The following FAM131B variants were observed in gnomAD, a reference collection of about 807,000 sequenced individuals.
FAM131B encodes the protein protein FAM131B.
In FAM131B, 19 loss-of-function variants were observed where a neutral mutation model predicts 42.0. The ratio of observed to expected loss-of-function variants is 0.45; its 90% CI spans 0.32 to 0.66. The LOEUF is 0.66. Among genes scored for constraint, FAM131B ranks in the 30% least tolerant of loss-of-function variants. The pLI is 0.05. For missense variants in FAM131B, 370 were observed against 468.4 expected, an observed-to-expected ratio of 0.79 and a Z score of 1.94; for synonymous variants, 183 against 177.6, an observed-to-expected ratio of 1.03 and a Z score of -0.24.
At chr7:143,371,879 T>A in the FAM131B span, among the ~76,000 whole-genome samples, 2 of 152,214 alleles carry the variant, frequency 1.3e-5, no homozygotes, top group Admixed American at 1.3e-4. Flanking sequence ...AAGGCCATTG[T>A]GGCTGAGGCA....
At chr7:143,363,536 G>T (rs1005370140), upstream of FAM131B, among the ~76,000 whole-genome samples, 1 of 152,216 alleles carries the variant, frequency 6.6e-6, no homozygotes, top group Admixed American at 6.5e-5. Flanking sequence ...AGAAAGATTG[G>T]CCTCTGGCTA....
At chr7:143,382,279 G>C in the FAM131B span, 1 of 1,612,812 alleles carries the variant, frequency 6.2e-7, no homozygotes, top group Non-Finnish European at 8.5e-7. Context: ...CCCTTGCTGG[G>C]GATGGCGACG....
At chr7:143,381,365 G>T in the FAM131B span, 1 of 1,158,784 alleles carries the variant, frequency 8.6e-7, no homozygotes, top group Middle Eastern at 2.8e-4. Flanking sequence ...CGGACCCGGC[G>T]CCGAGGCGGC....
chr7:143,362,609 C>T lies in FAM131B; in HGVS notation c.-6G>A. 4.2e-6 allele frequency: 5 copies of T among 1,193,420 alleles called. No homozygotes were observed. The highest frequency in any genetic ancestry group is 5.2e-6 in the Non-Finnish European group (5 of 964,490). The allele number at this position is 1,193,420 out of a possible 1,614,324, so 73.9% of individuals were successfully genotyped here. On this transcript the variant is annotated 5_prime_UTR_variant, in exon 1 of 7. Coordinates refer to ENST00000443739, the MANE Select transcript of FAM131B (RefSeq NM_001031690.3). The surrounding 1 kb of genome is among the most constrained non-coding windows in gnomAD (Gnocchi z 7.7). ...CGGGAGCCGATGCAGCCCATGGCTCCGGGGGCCGCAGAGCCGGGCCCTCAC... is the reference window on the plus strand; with the variant it reads ...CGGGAGCCGATGCAGCCCATGGCTCTGGGGGCCGCAGAGCCGGGCCCTCAC...
chr7:143,362,586 G>T lies in FAM131B; in HGVS notation c.18C>A (p.Ser6=). The T allele has an allele frequency of 8.2e-7, 1 of 1,222,550 alleles. No homozygotes were observed. Among genetic ancestry groups the T allele is most frequent in the Non-Finnish European group, 1.0e-6 (1 of 981,906 alleles). 75.7% of individuals were successfully genotyped at this position (1,222,550 alleles called of 1,614,324 possible). The change falls in exon 1 of 7, where the codon TCC becomes TCA. Residue 6 remains serine (S), a synonymous_variant. Coordinates refer to ENST00000443739, the MANE Select transcript of FAM131B (RefSeq NM_001031690.3). This position sits in a 1 kb window ranked among gnomAD's most constrained non-coding sequence, Gnocchi z 7.7. MGCIG[S]RTVGNEVIAV... is the part of the protein sequence containing the mutation. ...GGCCGCGGTACCCACCCACAGTCCG[G>T]GAGCCGATGCAGCCCATGGCTCCGG...
chr7:143,357,234 G>A lies in FAM131B; in HGVS notation c.610+46C>T, dbSNP rs190731632. On this transcript the variant is annotated intron_variant, in intron 6 of 6. Transcript: ENST00000443739. ...GAGTGGAGGCAGCTGAGATAGTTGG[G>A]GAGGCCTCATAGGCTCCAGAGTTTG... The A allele has an allele frequency of 5.6e-5, 89 of 1,594,990 alleles. No homozygotes were observed. The African/African-American group carries it at 1.0e-3, about 19-fold the overall frequency.
rs1023328556 is a variant in FAM131B, at chr7:143,354,682, C to G, written c.*1868G>C. ...CAAGAGGACTCTTCCCCTGTACAGG[C>G]AGCATTCGGTTAGGTGACTGCACCT... On this transcript the variant is annotated 3_prime_UTR_variant, in exon 7 of 7. Coordinates refer to ENST00000443739, the MANE Select transcript of FAM131B (RefSeq NM_001031690.3). 2 of 152,250 alleles carry G rather than the reference C, an allele frequency of 1.3e-5. No homozygotes were observed. Among genetic ancestry groups the G allele is most frequent in the African/African-American group, 4.8e-5 (2 of 41,438 alleles). 9.4% of individuals were successfully genotyped at this position (152,250 alleles called of 1,614,324 possible). A position where few individuals can be genotyped will look rare whatever the true frequency, so the allele number is the denominator to read the frequency against.
At chr7:143,369,403 G>A in the FAM131B span, among the ~76,000 whole-genome samples, 3 of 152,138 alleles carry the variant, frequency 2.0e-5, no homozygotes, top group Non-Finnish European at 2.9e-5. Context: ...GGCCGGGCGC[G>A]GTGGCTCACG....
chr7:143,361,932 C>G, intron 1 of FAM131B: 1 of 543,542 alleles, frequency 1.8e-6, no homozygotes, highest in Non-Finnish European at 2.3e-6. Flanking sequence ...TCCCCCAGCC[C>G]CTTCCCTCCA....
In FAM131B at chr7:143,359,352, C is replaced by G; in HGVS notation, c.242G>C (p.Gly81Ala). Residue 81 changes from glycine (G) to alanine (A), a missense_variant, in exon 4 of 7, where the codon GGG becomes GCG. Physicochemically the swap from Gly to Ala is moderately conservative, Grantham distance 60 (BLOSUM62 0). Coordinates refer to ENST00000443739, the MANE Select transcript of FAM131B (RefSeq NM_001031690.3). This position sits in a 1 kb window ranked among gnomAD's most constrained non-coding sequence, Gnocchi z 5.4. ...TGAGAATGATGACTTGGCCAGGGCC[C>G]CAATGCCATAGGCGTTAGAGTTTCG... ...LKRNSNAYGI[G>A]ALAKSSFSGI... 1 of 1,613,692 alleles carries G rather than the reference C, an allele frequency of 6.2e-7. No individual in the cohort carries two copies. The highest frequency in any genetic ancestry group is 8.5e-7 in the Non-Finnish European group (1 of 1,179,874).
At chr7:143,372,305 G>A in the FAM131B span, among the ~76,000 whole-genome samples, 6 of 152,356 alleles carry the variant, frequency 3.9e-5, no homozygotes, top group African/African-American at 1.4e-4. Flanking sequence ...ACCACAGGGT[G>A]AGAAAGAGGC....
chr7:143,370,256 A>C, the FAM131B span, among the ~76,000 whole-genome samples: 1 of 152,118 alleles, frequency 6.6e-6, no homozygotes, highest in Non-Finnish European at 1.5e-5. Flanking sequence ...TTTTTGAAAG[A>C]GCTGCCGGCA....
In FAM131B at chr7:143,358,607, C is replaced by T. The variant is rs1009145017; in HGVS notation, c.466+220G>A. Among the ~76,000 whole-genome samples the T allele has an allele frequency of 2.6e-5, 4 of 152,216 alleles. No individual in the cohort carries two copies. Among genetic ancestry groups the T allele is most frequent in the African/African-American group, 7.2e-5 (3 of 41,454 alleles). ...AAGGCATCTGGGATGGGTGGACCCA[C>T]AAATCCCATCTAATTACACGCATTT... On this transcript the variant is annotated intron_variant, in intron 5 of 6. Transcript: ENST00000443739. This position sits in a 1 kb window ranked among gnomAD's most constrained non-coding sequence, Gnocchi z 4.7.
intron 5 of FAM131B, among the ~76,000 whole-genome samples, chr7:143,357,883 T>C (rs527855897): frequency 7.4e-4 from 113 of 152,224 alleles, no homozygotes; most frequent in African/African-American, 2.6e-3. Context: ...AAAAATCAGA[T>C]TTAGGATTCC....
At position 143,358,226 on chromosome 7, in the gene FAM131B, C is replaced by T. The variant is rs1357224724; in HGVS notation, c.466+601G>A. 6.6e-6 allele frequency among the ~76,000 whole-genome samples: 1 copy of T among 152,172 alleles called. No homozygotes were observed. Among genetic ancestry groups the T allele is most frequent in the Admixed American group, 6.5e-5 (1 of 15,282 alleles). On this transcript the variant is annotated intron_variant, in intron 5 of 6. Transcript: ENST00000443739. This position sits in a 1 kb window ranked among gnomAD's most constrained non-coding sequence, Gnocchi z 4.7. ...GATATTTCTCCTCCCACCCATACCA[C>T]CAACTCAATACTTCCTTTCTCTTCC...
the FAM131B span, chr7:143,381,273 C>G: frequency 3.8e-6 from 4 of 1,062,696 alleles, no homozygotes; most frequent in Non-Finnish European, 4.6e-6. Context: ...TCTCCCCGCC[C>G]CCTCTCTTCT....
chr7:143,368,200 G>T, the FAM131B span, among the ~76,000 whole-genome samples: 1 of 152,224 alleles, frequency 6.6e-6, no homozygotes, highest in African/African-American at 2.4e-5. Flanking sequence ...AGGAGGCAGG[G>T]CATAGAGTCT....
chr7:143,379,057 C>T, the FAM131B span, among the ~76,000 whole-genome samples: 9 of 152,378 alleles, frequency 5.9e-5, no homozygotes, highest in African/African-American at 2.2e-4. Flanking sequence ...CTATGCCTGC[C>T]TACGCACTCT....
chr7:143,378,308 C>T, the FAM131B span, among the ~76,000 whole-genome samples: 5 of 152,160 alleles, frequency 3.3e-5, no homozygotes, highest in Non-Finnish European at 5.9e-5. Flanking sequence ...CTACTTTATG[C>T]TGTGCACTCT....
Sources: gnomAD v4.1 joint callset for allele counts (sites outside exome capture counted in the v4.1 genomes callset) on GRCh38, gnomAD v4.1.1 for gene constraint, Gnocchi (gnomAD v3.1) non-coding constraint, MANE v1.5 for transcripts, NCBI Gene and HGNC (gene_info 2026-07-23, HGNC 2026-07-21) for gene names.